The following PDE7B variants were observed in gnomAD, a reference collection of about 807,000 sequenced individuals.
PDE7B encodes the protein phosphodiesterase 7B, also known as 3',5'-cyclic-AMP phosphodiesterase 7B.
PDE7B carries 29 observed loss-of-function variants against 56.2 expected under a neutral mutation model. The observed-to-expected ratio is 0.52, with a 90% CI of 0.38 to 0.70. PDE7B has a LOEUF of 0.70. Ranked by LOEUF, PDE7B falls within the 30% of genes least tolerant of loss-of-function variation. The probability of loss-of-function intolerance (pLI) is 0.00; values close to 1 mark genes in which losing one functional copy is unlikely to be tolerated. For synonymous variants in PDE7B, 197 were observed against 196.9 expected (o/e 1.00, Z 0.00); for missense variants, 490 against 565.0 (o/e 0.87, Z 1.35).
chr6:136,035,832 C>G (rs1776318186), intron 2 of PDE7B, among the ~76,000 whole-genome samples: 1 of 152,052 alleles, frequency 6.6e-6, no homozygotes, highest in South Asian at 2.1e-4. Flanking sequence ...AAAAGTCATT[C>G]TTGAAGAAAT....
rs143848027 is a variant in PDE7B, at chr6:136,045,599, A to G, written c.83-63132A>G. Among the ~76,000 whole-genome samples, 190 of 152,288 alleles carry G rather than the reference A, an allele frequency of 1.2e-3. 3 individuals carry two copies. The East Asian group carries it at 0.027, about 22-fold the overall frequency. On this transcript the variant is annotated intron_variant, in intron 2 of 12. Coordinates refer to ENST00000308191, the MANE Select transcript of PDE7B (RefSeq NM_018945.4). Reference sequence around the variant, plus strand: ...GAGAAAACTTGTCAGCCTTGTATGCAGTTGGAAGGCATGGCTGACAAAGAC... The same window carrying G: ...GAGAAAACTTGTCAGCCTTGTATGCGGTTGGAAGGCATGGCTGACAAAGAC...
intron 8 of PDE7B, among the ~76,000 whole-genome samples, chr6:136,156,510 G>A (rs192905868): frequency 3.9e-5 from 6 of 152,178 alleles, no homozygotes; most frequent in East Asian, 1.9e-4. Context: ...ATGCCCGACC[G>A]AGAAGGATCT....
chr6:135,931,984 T>C lies in PDE7B; in HGVS notation c.22-15480T>C, dbSNP rs573667097. The stretch of plus-strand genomic sequence containing the variant: ...ACACACACACACACACACACACACA[T>C]AGGTATATACACTATTCCAAAAGCA... On this transcript the variant is annotated intron_variant, in intron 1 of 12. Coordinates refer to ENST00000308191, the MANE Select transcript of PDE7B (RefSeq NM_018945.4). 3.7e-4 allele frequency among the ~76,000 whole-genome samples: 56 copies of C among 150,498 alleles called. 2 individuals are homozygous for C. The East Asian group carries it at 9.5e-3, about 26-fold the overall frequency.
At chr6:135,916,021 G>A (rs7756980) in intron 1 of PDE7B, among the ~76,000 whole-genome samples, 57,125 of 152,064 alleles carry the variant, frequency 0.38, 12,082 homozygotes, top group African/African-American at 0.58. Context: ...ACATTTTTGT[G>A]CAAGGATTTT....
chr6:136,192,186 C>T lies in PDE7B; in HGVS notation c.*346C>T. 3.1e-6 allele frequency: 1 copy of T among 325,118 alleles called. No homozygotes were observed. The highest frequency in any genetic ancestry group is 3.5e-5 in the South Asian group (1 of 28,314). 20.1% of individuals were successfully genotyped at this position (325,118 alleles called of 1,614,324 possible). On this transcript the variant is annotated 3_prime_UTR_variant, in exon 13 of 13. Transcript: ENST00000308191. ...GGTCGCACTGGAACAGGCAGCAATT[C>T]CTAAGTCCGGAGCGTTTGAGCGTTT...
chr6:135,967,445 T>G (rs1241191764), intron 2 of PDE7B, among the ~76,000 whole-genome samples: 1 of 152,208 alleles, frequency 6.6e-6, no homozygotes, highest in Non-Finnish European at 1.5e-5. Context: ...ACATTTTTCT[T>G]TAGTGTGCCT....
At chr6:136,035,132 T>C (rs1329928113) in intron 2 of PDE7B, 1 of 152,196 alleles carries the variant, frequency 6.6e-6, no homozygotes, top group East Asian at 1.9e-4. Context: ...GTTACCTAGA[T>C]GGGTCTTCTC....
chr6:135,947,642 T>C, intron 2 of PDE7B, 118 bp downstream of exon 2: 1 of 724,808 alleles, frequency 1.4e-6, no homozygotes. Context: ...GGTTCTTTTG[T>C]GGTTATGCAG....
At chr6:136,013,109 A>G (rs1775920535) in intron 2 of PDE7B, among the ~76,000 whole-genome samples, 1 of 152,204 alleles carries the variant, frequency 6.6e-6, no homozygotes, top group Non-Finnish European at 1.5e-5. Flanking sequence ...TGCCTTTGAG[A>G]ATTACAATAG....
intron 1 of PDE7B, among the ~76,000 whole-genome samples, chr6:135,866,180 C>A (rs541679930): frequency 1.3e-5 from 2 of 152,132 alleles, no homozygotes; most frequent in South Asian, 2.1e-4. Context: ...CTCTCACCAC[C>A]ACCATTCACC....
chr6:136,101,443 C>A (rs1777560455), intron 2 of PDE7B, among the ~76,000 whole-genome samples: 1 of 152,082 alleles, frequency 6.6e-6, no homozygotes, highest in African/African-American at 2.4e-5. Flanking sequence ...AATTTCAGAA[C>A]CTGTTATTGG....
intron 2 of PDE7B, among the ~76,000 whole-genome samples, chr6:136,038,904 T>A (rs1236767483): frequency 6.6e-6 from 1 of 152,192 alleles, no homozygotes; most frequent in African/African-American, 2.4e-5. Context: ...CCTAGGAGAA[T>A]ATTCTCCTTG....
intron 1 of PDE7B, among the ~76,000 whole-genome samples, chr6:135,893,400 A>T (rs1028908034): frequency 1.1e-4 from 16 of 152,000 alleles, no homozygotes; most frequent in African/African-American, 3.9e-4. Context: ...ACATGAACTC[A>T]TCATTTTTTA....
chr6:136,065,376 T>C (rs1562484240), intron 2 of PDE7B, among the ~76,000 whole-genome samples: 1 of 152,220 alleles, frequency 6.6e-6, no homozygotes, highest in Admixed American at 6.5e-5. Flanking sequence ...GTCATACTAA[T>C]GATTATGAGT....
Position 136,192,011 on chromosome 6 carries a change from A to G in PDE7B, c.*171A>G, listed in dbSNP as rs1779237297. On this transcript the variant is annotated 3_prime_UTR_variant, in exon 13 of 13. Coordinates refer to ENST00000308191, the MANE Select transcript of PDE7B (RefSeq NM_018945.4). ...TGCCTCCCCTCCTTTTCGCAAATGT[A>G]CAGAAGCCATTTGTCACCTCAGCAT... is the stretch of plus-strand genomic sequence containing the variant. 6.6e-6 allele frequency: 4 copies of G among 610,474 alleles called. No individual in the cohort carries two copies. Among genetic ancestry groups the G allele is most frequent in the Non-Finnish European group, 1.2e-5 (4 of 345,828 alleles). 37.8% of individuals were successfully genotyped at this position (610,474 alleles called of 1,614,324 possible).
intron 2 of PDE7B, among the ~76,000 whole-genome samples, chr6:135,974,815 AG>A (rs1482790643): frequency 6.6e-6 from 1 of 152,172 alleles, no homozygotes; most frequent in Non-Finnish European, 1.5e-5. Context: ...TCTGATCCAA[AG>A]GTTCAAAATC....
intron 2 of PDE7B, among the ~76,000 whole-genome samples, chr6:136,098,303 G>A (rs1285105978): frequency 6.6e-6 from 1 of 152,046 alleles, no homozygotes; most frequent in Non-Finnish European, 1.5e-5. Flanking sequence ...CATCAGATCA[G>A]AAGAATATCT....
chr6:136,119,006 A>G (rs1777884960), intron 3 of PDE7B, among the ~76,000 whole-genome samples: 1 of 152,190 alleles, frequency 6.6e-6, no homozygotes, highest in African/African-American at 2.4e-5. Context: ...TTTGATAAGA[A>G]AGAAAAGGGC....
chr6:135,968,339 G>A (rs1284217988), intron 2 of PDE7B, among the ~76,000 whole-genome samples: 1 of 149,828 alleles, frequency 6.7e-6, no homozygotes, highest in Non-Finnish European at 1.5e-5. Flanking sequence ...CTTCTCCACA[G>A]CAAAGAAACT....
Sources: gnomAD v4.1 joint callset for allele counts (sites outside exome capture counted in the v4.1 genomes callset) on GRCh38, gnomAD v4.1.1 for gene constraint, MANE v1.5 for transcripts, NCBI Gene and HGNC (gene_info 2026-07-23, HGNC 2026-07-21) for gene names.